Variants in ANK3 observed in about 807,000 individuals in gnomAD.
The protein encoded by ANK3 is ankyrin-3.
Under a neutral mutation model 370.9 loss-of-function variants are expected in ANK3, and 57 were observed. The observed-to-expected ratio is 0.15, with a 90% confidence interval of 0.12 to 0.19. The LOEUF (loss-of-function observed/expected upper bound fraction) is 0.19, where lower values mean the gene tolerates loss of function less well. Among genes scored for constraint, ANK3 ranks in the 10% least tolerant of loss-of-function variants. The pLI, the probability that ANK3 is intolerant of heterozygous loss-of-function variation, is 1.00. For synonymous variants in ANK3, 1,929 were observed against 1,946.3 expected, an observed-to-expected ratio of 0.99 and a Z score of 0.23; for missense variants, 4,439 against 5,302.1, an observed-to-expected ratio of 0.84 and a Z score of 5.06.
intron 2 of ANK3, among the ~76,000 whole-genome samples, chr10:60,434,859 T>C (rs960116112): frequency 6.6e-6 from 1 of 152,254 alleles, no homozygotes; most frequent in African/African-American, 2.4e-5. Context: ...GGTTTTATTT[T>C]TGATTAATGT....
intron 18 of ANK3, among the ~76,000 whole-genome samples, chr10:60,181,022 C>T (rs942914722): frequency 7.9e-5 from 12 of 152,074 alleles, no homozygotes; most frequent in African/African-American, 2.7e-4. Flanking sequence ...ATCACAAAAA[C>T]TAAGAAAGGT....
intron 25 of ANK3, among the ~76,000 whole-genome samples, chr10:60,119,275 A>G (rs1312576727): frequency 6.6e-6 from 1 of 152,236 alleles, no homozygotes; most frequent in Non-Finnish European, 1.5e-5. Context: ...TTATACATAG[A>G]TACTGAATTG....
At chr10:60,367,015 A>C (rs1338052290) in intron 1 of ANK3, among the ~76,000 whole-genome samples, 1 of 152,206 alleles carries the variant, frequency 6.6e-6, no homozygotes, top group Non-Finnish European at 1.5e-5. Context: ...CAAGGAGAGA[A>C]TATATATCCT....
intron 2 of ANK3, among the ~76,000 whole-genome samples, chr10:60,532,519 A>C (rs2076629517): frequency 6.6e-6 from 1 of 152,166 alleles, no homozygotes; most frequent in South Asian, 2.1e-4. Flanking sequence ...TAGGACTTGC[A>C]TTCCAACATG....
chr10:60,469,018 T>TATATATATATAC (rs1487944754), intron 2 of ANK3, among the ~76,000 whole-genome samples: 5 of 67,694 alleles, frequency 7.4e-5, no homozygotes, highest in African/African-American at 2.4e-4. Context: ...TATATATATA[T>TATATATATATAC]ACCACTTTTA....
chr10:60,490,601 C>T (rs1166344697), intron 2 of ANK3, among the ~76,000 whole-genome samples: 1 of 152,194 alleles, frequency 6.6e-6, no homozygotes, highest in Non-Finnish European at 1.5e-5. Flanking sequence ...TGCACTCACT[C>T]CCATCCTCTC....
intron 24 of ANK3, among the ~76,000 whole-genome samples, chr10:60,134,634 ATGAAGT>A (rs750450171): frequency 6.6e-6 from 1 of 152,220 alleles, no homozygotes; most frequent in Non-Finnish European, 1.5e-5. Flanking sequence ...ATGTTTCACT[ATGAAGT>A]TGAACTGACA....
intron 1 of ANK3, among the ~76,000 whole-genome samples, chr10:60,634,253 C>T (rs1179131941): frequency 6.6e-6 from 1 of 152,140 alleles, no homozygotes; most frequent in South Asian, 2.1e-4. Context: ...TCTCTGAAGG[C>T]ACATGATAAT....
intron 7 of ANK3, among the ~76,000 whole-genome samples, chr10:60,259,159 T>C (rs987764815): frequency 6.6e-6 from 1 of 152,216 alleles, no homozygotes; most frequent in African/African-American, 2.4e-5. Context: ...TGCTAGATTA[T>C]TATACAACAA....
At chr10:60,371,248 C>A (rs1033472185) in intron 1 of ANK3, among the ~76,000 whole-genome samples, 2 of 152,006 alleles carry the variant, frequency 1.3e-5, no homozygotes, top group African/African-American at 2.4e-5. Flanking sequence ...GAGTGGCCAA[C>A]AAACATATGA....
At chr10:60,573,085 T>C (rs1362445867) in intron 2 of ANK3, 1 of 809,904 alleles carries the variant, frequency 1.2e-6, no homozygotes, top group East Asian at 1.2e-4. Context: ...CATCAGGGCA[T>C]ACCGGAGGAG....
At chr10:60,098,036 A>G (rs2090476850) in intron 28 of ANK3, among the ~76,000 whole-genome samples, 1 of 152,188 alleles carries the variant, frequency 6.6e-6, no homozygotes, top group Non-Finnish European at 1.5e-5. Context: ...GGGTTGAAAT[A>G]TAGCTCTATA....
chr10:60,044,384 G>T, intron 42 of ANK3: 1 of 944,248 alleles, frequency 1.1e-6, no homozygotes, highest in Non-Finnish European at 1.3e-6. Context: ...CAACATACTA[G>T]ATGGAGAAAT....
chr10:60,386,377 C>A (rs539055416), intron 1 of ANK3, among the ~76,000 whole-genome samples: 5 of 151,230 alleles, frequency 3.3e-5, no homozygotes, highest in African/African-American at 7.3e-5. Context: ...TCAAGCCAGA[C>A]AAATTAGTAA....
chr10:60,223,679 A>T (rs566325851), intron 8 of ANK3, among the ~76,000 whole-genome samples: 2 of 152,232 alleles, frequency 1.3e-5, no homozygotes, highest in Non-Finnish European at 2.9e-5. Context: ...TTAAGAGTAG[A>T]CTCATTTTGT....
At chr10:60,154,780 G>A (rs535767264) in intron 23 of ANK3, among the ~76,000 whole-genome samples, 1 of 152,336 alleles carries the variant, frequency 6.6e-6, no homozygotes, top group Admixed American at 6.5e-5. Flanking sequence ...GGGCAACAGA[G>A]TGAGACTGTC....
intron 28 of ANK3, among the ~76,000 whole-genome samples, chr10:60,102,692 T>C (rs1485396625): frequency 6.6e-6 from 1 of 152,214 alleles, no homozygotes; most frequent in East Asian, 1.9e-4. Context: ...ACAATTGTGT[T>C]AATAAATCAG....
Position 60,502,913 on chromosome 10 carries a change from AAAAAG to A in ANK3, c.96+112268_96+112272del, listed in dbSNP as rs550643681. Among the ~76,000 whole-genome samples the A allele has an allele frequency of 2.4e-3, 363 of 152,132 alleles. 1 individual carries two copies. Among genetic ancestry groups the A allele is most frequent in the African/African-American group, 8.0e-3 (331 of 41,520 alleles). ...GAGAGAAAGAGAACAAGACAGAAAG[AAAAAG>A]AAAAGGAAAGAAAAGGAACGAAGGA... On this transcript the variant is annotated intron_variant, in intron 2 of 43. Transcript: ENST00000373827.
At chr10:60,609,520 A>C (rs149742054) in intron 2 of ANK3, among the ~76,000 whole-genome samples, 174 of 128,962 alleles carry the variant, frequency 1.3e-3, no homozygotes, top group Non-Finnish European at 2.3e-3. Flanking sequence ...TCTACCACAA[A>C]GGGGACTTCT....
Sources: allele counts gnomAD v4.1 joint callset (sites outside exome capture counted in the v4.1 genomes callset), GRCh38; gene constraint gnomAD v4.1.1; transcripts MANE v1.5; gene names NCBI Gene and HGNC (gene_info 2026-07-23, HGNC 2026-07-21).